Variants in COL26A1 observed in about 807,000 individuals in gnomAD.
COL26A1 encodes collagen alpha-1(XXVI) chain.
COL26A1 carries 41 observed loss-of-function variants against 59.3 expected under a neutral mutation model. The ratio of observed to expected loss-of-function variants is 0.69; its 90% confidence interval spans 0.54 to 0.90. The LOEUF (loss-of-function observed/expected upper bound fraction) is 0.90, where lower values mean the gene tolerates loss of function less well. COL26A1 is among the 40% of genes least tolerant of loss of function. The pLI is 0.00. For synonymous variants in COL26A1, 266 were observed against 256.0 expected, an observed-to-expected ratio of 1.04 and a Z score of -0.37; for missense variants, 612 against 602.3, an observed-to-expected ratio of 1.02 and a Z score of -0.17.
At chr7:101,424,605 A>T (rs1053933485) in intron 2 of COL26A1, among the ~76,000 whole-genome samples, 3 of 152,326 alleles carry the variant, frequency 2.0e-5, no homozygotes, top group African/African-American at 7.2e-5. Context: ...CTCAAAAAAA[A>T]TTTAATAATT....
intron 2 of COL26A1, among the ~76,000 whole-genome samples, chr7:101,442,477 T>C (rs1298137447): frequency 6.6e-6 from 1 of 152,134 alleles, no homozygotes; most frequent in Non-Finnish European, 1.5e-5. Context: ...ACAAAAGATA[T>C]GGCATAGAAA....
intron 3 of COL26A1, among the ~76,000 whole-genome samples, chr7:101,474,450 G>C (rs534032120): frequency 1.3e-5 from 2 of 152,040 alleles, no homozygotes; most frequent in East Asian, 3.9e-4. Flanking sequence ...AAATTAGCCA[G>C]GTATGGTGTC....
intron 1 of COL26A1, chr7:101,389,117 A>C (rs1315660369): frequency 6.3e-6 from 1 of 159,860 alleles, no homozygotes; most frequent in East Asian, 1.8e-4. Flanking sequence ...ACTGTCTTGC[A>C]AGATGGGAAA....
chr7:101,545,179 G>T (rs1335867257), intron 6 of COL26A1, among the ~76,000 whole-genome samples, 159 bp from the exon 7 acceptor site: 1 of 152,134 alleles, frequency 6.6e-6, no homozygotes, highest in African/African-American at 2.4e-5. Context: ...TACACCCCAG[G>T]ACACCCCCAA....
In COL26A1 at chr7:101,433,916, T is replaced by A. The variant is rs187318253; in HGVS notation, c.282-13768T>A. Among the ~76,000 whole-genome samples, 705 of 152,262 alleles carry A rather than the reference T, an allele frequency of 4.6e-3. 8 individuals carry two copies. Among genetic ancestry groups the A allele is most frequent in the African/African-American group, 0.016 (646 of 41,566 alleles). Reference sequence around the variant, plus strand: ...GGACTTTACTACATGGACCAGCACATTGAGGTGCTCAACAATGTTCATTAA... The same window carrying A: ...GGACTTTACTACATGGACCAGCACAATGAGGTGCTCAACAATGTTCATTAA... On this transcript the variant is annotated intron_variant, in intron 2 of 12. Transcript: ENST00000313669.
At position 101,406,302 on chromosome 7, in the gene COL26A1, A is replaced by G. The variant is rs184305362; in HGVS notation, c.159-13675A>G. 6.8e-4 allele frequency among the ~76,000 whole-genome samples: 104 copies of G among 152,184 alleles called. 1 individual carries two copies. Among genetic ancestry groups the G allele is most frequent in the Admixed American group, 4.8e-3 (74 of 15,282 alleles). On this transcript the variant is annotated intron_variant, in intron 1 of 12. Transcript: ENST00000313669. ...GTCTATCTGCTATCCAAACACTCCTACTGTTTTTTGTGCCCGAAAAACTGA... is the reference window on the plus strand; with the variant it reads ...GTCTATCTGCTATCCAAACACTCCTGCTGTTTTTTGTGCCCGAAAAACTGA...
At chr7:101,414,545 C>A (rs1267277823) in intron 1 of COL26A1, among the ~76,000 whole-genome samples, 1 of 152,118 alleles carries the variant, frequency 6.6e-6, no homozygotes, top group East Asian at 1.9e-4. Context: ...TCAAGCAATT[C>A]TCCCGCCTCA....
intron 3 of COL26A1, among the ~76,000 whole-genome samples, chr7:101,517,695 C>T (rs1457370654): frequency 6.6e-6 from 1 of 152,068 alleles, no homozygotes; most frequent in Non-Finnish European, 1.5e-5. Flanking sequence ...CATCTCTTGC[C>T]CATCTTGATC....
At chr7:101,364,360 G>A (rs1265106039) in intron 1 of COL26A1, among the ~76,000 whole-genome samples, 3 of 151,318 alleles carry the variant, frequency 2.0e-5, no homozygotes, top group Admixed American at 6.6e-5. Context: ...TTTTTGCAGA[G>A]GCAGAATCTC....
At chr7:101,489,659 T>C (rs867958303) in intron 3 of COL26A1, among the ~76,000 whole-genome samples, 1 of 69,116 alleles carries the variant, frequency 1.4e-5, no homozygotes, top group South Asian at 4.4e-4. Flanking sequence ...CTTTCTTTCT[T>C]TCTTCCTTCC....
intron 11 of COL26A1, among the ~76,000 whole-genome samples, chr7:101,555,029 C>T (rs574265057): frequency 6.6e-6 from 1 of 152,304 alleles, no homozygotes; most frequent in East Asian, 1.9e-4. Context: ...TGTCATGTTA[C>T]ACCAGCAAAA....
chr7:101,464,762 C>T (rs974829670), intron 3 of COL26A1, among the ~76,000 whole-genome samples: 2 of 151,964 alleles, frequency 1.3e-5, no homozygotes, highest in East Asian at 1.9e-4. Flanking sequence ...GTGTCTTGCT[C>T]GGTTGCCCAG....
At chr7:101,384,230 G>GTTTTTGTTTTTT (rs768170962) in intron 1 of COL26A1, among the ~76,000 whole-genome samples, 6 of 105,684 alleles carry the variant, frequency 5.7e-5, no homozygotes, top group African/African-American at 2.4e-4. Context: ...GTTCAGGCTG[G>GTTTTTGTTTTTT]TTTTTTTTTT....
At chr7:101,479,675 C>T (rs1371886117) in intron 3 of COL26A1, among the ~76,000 whole-genome samples, 1 of 152,092 alleles carries the variant, frequency 6.6e-6, no homozygotes, top group Non-Finnish European at 1.5e-5. Flanking sequence ...ATTTTTAAAT[C>T]AATTCCAGAA....
intron 3 of COL26A1, among the ~76,000 whole-genome samples, chr7:101,449,406 G>A (rs1793276569): frequency 6.6e-6 from 1 of 152,218 alleles, no homozygotes; most frequent in Non-Finnish European, 1.5e-5. Flanking sequence ...CCGAGGAGGC[G>A]AGAGTTGCTA....
chr7:101,410,192 G>A (rs760578389), intron 1 of COL26A1, among the ~76,000 whole-genome samples: 2 of 152,088 alleles, frequency 1.3e-5, no homozygotes, highest in African/African-American at 4.8e-5. Flanking sequence ...GGTGGTGGAG[G>A]GTCATGGATT....
chr7:101,391,978 A>G (rs10233168), intron 1 of COL26A1, among the ~76,000 whole-genome samples: 9,379 of 151,922 alleles, frequency 0.062, 666 homozygotes, highest in African/African-American at 0.16. Context: ...TCAGCTTCCT[A>G]AAGTGCTGGG....
chr7:101,404,858 T>C (rs1353375151), intron 1 of COL26A1, among the ~76,000 whole-genome samples: 1 of 152,092 alleles, frequency 6.6e-6, no homozygotes, highest in Non-Finnish European at 1.5e-5. Context: ...GCTGTGATCA[T>C]GCCACTGCAC....
In COL26A1 at chr7:101,547,203, G is replaced by C; in HGVS notation, c.904G>C (p.Gly302Arg). Residue 302 changes from glycine to arginine, a missense_variant, in exon 8 of 13, where the codon GGT becomes CGT. Coordinates refer to ENST00000313669, the MANE Select transcript of COL26A1 (RefSeq NM_001278563.3). ...TGCCATCGTGGACACAGTGCTGGCA[G>C]GTGTCCCAGGACCCCGGGGTCCCCC... ...ASAIVDTVLA[G>R]VPGPRGPPGP... The C allele has an allele frequency of 6.3e-7, 1 of 1,596,162 alleles. No homozygotes were observed. Among genetic ancestry groups the C allele is most frequent in the Non-Finnish European group, 8.5e-7 (1 of 1,173,040 alleles).
Sources: gnomAD v4.1 joint callset for allele counts (sites outside exome capture counted in the v4.1 genomes callset) on GRCh38, gnomAD v4.1.1 for gene constraint, MANE v1.5 for transcripts, NCBI Gene and HGNC (gene_info 2026-07-23, HGNC 2026-07-21) for gene names.